CCDC91: variants seen among roughly 807,000 people sequenced by gnomAD.
CCDC91 encodes coiled-coil domain containing 91.
Under a neutral mutation model 63.2 loss-of-function variants are expected in CCDC91, and 48 were observed. That is an observed-to-expected ratio of 0.76 (90% CI 0.60 to 0.97). CCDC91 has a LOEUF of 0.97. Ranked by LOEUF, CCDC91 falls within the 50% of genes least tolerant of loss-of-function variation. The probability of loss-of-function intolerance (pLI) is 0.00; values close to 1 mark genes in which losing one functional copy is unlikely to be tolerated. For missense variants in CCDC91, 500 were observed against 494.6 expected, an observed-to-expected ratio of 1.01 and a Z score of -0.10; for synonymous variants, 167 against 165.8, an observed-to-expected ratio of 1.01 and a Z score of -0.06.
At chr12:28,424,262 C>T (rs1329949754) in intron 8 of CCDC91, among the ~76,000 whole-genome samples, 3 of 152,106 alleles carry the variant, frequency 2.0e-5, no homozygotes, top group African/African-American at 7.2e-5. Flanking sequence ...CCATCTGTTA[C>T]TTTGTGAAAC....
intron 12 of CCDC91, among the ~76,000 whole-genome samples, chr12:28,526,121 T>G (rs1169076735): frequency 6.6e-6 from 1 of 152,136 alleles, no homozygotes; most frequent in Non-Finnish European, 1.5e-5. Context: ...GAGGTACTAT[T>G]CCATTCATCA....
chr12:28,305,320 AATAT>A (rs1032714265), intron 3 of CCDC91, among the ~76,000 whole-genome samples: 1 of 151,736 alleles, frequency 6.6e-6, no homozygotes, highest in African/African-American at 2.4e-5. Flanking sequence ...ATGAATATAT[AATAT>A]ATATATATGA....
At chr12:28,362,048 C>T (rs543859171) in intron 6 of CCDC91, among the ~76,000 whole-genome samples, 40 of 152,128 alleles carry the variant, frequency 2.6e-4, no homozygotes, top group Admixed American at 4.6e-4. Context: ...GGGGTCTAAT[C>T]ATATTCCAGT....
At chr12:28,416,392 C>T (rs11049582) in intron 8 of CCDC91, among the ~76,000 whole-genome samples, 32,933 of 151,794 alleles carry the variant, frequency 0.22, 4,326 homozygotes, top group Non-Finnish European at 0.3. Flanking sequence ...GAAAAAAAAA[C>T]TATTCTGACA....
At chr12:28,536,011 A>G (rs1942138954) in intron 12 of CCDC91, among the ~76,000 whole-genome samples, 1 of 151,392 alleles carries the variant, frequency 6.6e-6, no homozygotes, top group Admixed American at 6.6e-5. Context: ...CGTGGGTGAC[A>G]GGGCAAGACT....
chr12:28,473,615 A>C (rs1225987643), intron 11 of CCDC91, among the ~76,000 whole-genome samples: 5 of 152,200 alleles, frequency 3.3e-5, no homozygotes, highest in Admixed American at 3.3e-4. Flanking sequence ...TAGTTGTTCC[A>C]TGCAGACTAT....
intron 11 of CCDC91, among the ~76,000 whole-genome samples, chr12:28,465,408 T>C (rs1950502977): frequency 2.6e-5 from 4 of 152,340 alleles, no homozygotes; most frequent in Admixed American, 1.3e-4. Flanking sequence ...AATGCTGTGC[T>C]GGCTTCAGGT....
chr12:28,520,508 C>A (rs978041627), intron 12 of CCDC91, among the ~76,000 whole-genome samples: 1 of 151,962 alleles, frequency 6.6e-6, no homozygotes. Flanking sequence ...AAATTTTCTC[C>A]CATTCTGTAG....
At chr12:28,498,538 A>G (rs1192247457) in intron 12 of CCDC91, among the ~76,000 whole-genome samples, 2 of 151,688 alleles carry the variant, frequency 1.3e-5, no homozygotes, top group African/African-American at 4.8e-5. Context: ...CACACAGTCA[A>G]ACTCAACATC....
intron 3 of CCDC91, chr12:28,268,673 G>GT: frequency 1.0e-6 from 1 of 985,040 alleles, no homozygotes; most frequent in Non-Finnish European, 1.2e-6. Context: ...AGCAAGCCCC[G>GT]TGTCTGAATC....
chr12:28,311,512 C>T (rs1399605559), intron 6 of CCDC91, among the ~76,000 whole-genome samples: 6 of 151,862 alleles, frequency 4.0e-5, no homozygotes, highest in East Asian at 1.9e-4. Flanking sequence ...GCTCAGTACT[C>T]GGCCTTTTGT....
intron 6 of CCDC91, among the ~76,000 whole-genome samples, chr12:28,325,112 G>A (rs1190111537): frequency 2.0e-5 from 3 of 151,884 alleles, no homozygotes; most frequent in African/African-American, 7.2e-5. Context: ...TTATAAGACA[G>A]CAGCTCTGAA....
chr12:28,365,974 T>C (rs186254249), intron 7 of CCDC91, among the ~76,000 whole-genome samples: 96 of 152,280 alleles, frequency 6.3e-4, no homozygotes, highest in African/African-American at 2.0e-3. Context: ...TGAAATATTG[T>C]TGAGGAGTTT....
At chr12:28,440,461 C>T (rs541635242) in intron 8 of CCDC91, among the ~76,000 whole-genome samples, 1 of 152,176 alleles carries the variant, frequency 6.6e-6, no homozygotes, top group South Asian at 2.1e-4. Context: ...GATCATTGAC[C>T]TATATGTAAA....
In CCDC91 at chr12:28,247,479, CAA is replaced by C. The variant is rs71039885; in HGVS notation, c.-14-9706_-14-9705del. On this transcript the variant is annotated intron_variant, in intron 1 of 12. Coordinates refer to ENST00000536442, the MANE Select transcript of CCDC91 (RefSeq NM_018318.5). ...TGGGTGAGAGACCAAGACTCCGTCT[CAA>C]AAAAAAAAAAAAAAAAGAATTTTTA... 3.8e-3 allele frequency among the ~76,000 whole-genome samples: 345 copies of C among 91,948 alleles called. 2 individuals carry two copies. The highest frequency in any genetic ancestry group is 0.023 in the East Asian group (80 of 3,514). 60.3% of individuals were successfully genotyped at this position (91,948 alleles called of 152,430 possible).
intron 8 of CCDC91, among the ~76,000 whole-genome samples, chr12:28,400,569 T>C (rs1007135589): frequency 2.6e-5 from 4 of 152,170 alleles, no homozygotes; most frequent in Admixed American, 1.3e-4. Flanking sequence ...TGTCACATTG[T>C]CAGACTGCAA....
intron 6 of CCDC91, among the ~76,000 whole-genome samples, chr12:28,331,879 C>G (rs1941545074): frequency 6.6e-6 from 1 of 152,076 alleles, no homozygotes; most frequent in Non-Finnish European, 1.5e-5. Flanking sequence ...GGTTCCTACT[C>G]TTAAGAATCA....
intron 8 of CCDC91, among the ~76,000 whole-genome samples, chr12:28,447,049 A>T (rs1949536828): frequency 6.6e-6 from 1 of 152,194 alleles, no homozygotes; most frequent in African/African-American, 2.4e-5. Context: ...TTTTTGCTAG[A>T]GTACAGTTTG....
At chr12:28,361,685 C>A (rs1362603460) in intron 6 of CCDC91, among the ~76,000 whole-genome samples, 2 of 151,662 alleles carry the variant, frequency 1.3e-5, no homozygotes, top group African/African-American at 4.8e-5. Context: ...TCTAGAATTT[C>A]TATTTTATGG....
Sources: gnomAD v4.1 joint callset for allele counts (sites outside exome capture counted in the v4.1 genomes callset) on GRCh38, gnomAD v4.1.1 for gene constraint, MANE v1.5 for transcripts, NCBI Gene and HGNC (gene_info 2026-07-23, HGNC 2026-07-21) for gene names.